MISFA: variants seen among roughly 807,000 people sequenced by gnomAD.
MISFA encodes the protein mitochondrial sheath formation-associated protein.
chr11:18,600,737 G>A, the MISFA span, among the ~76,000 whole-genome samples: 5,163 of 149,560 alleles, frequency 0.035, 184 homozygotes, highest in African/African-American at 0.085. Flanking sequence ...AGCCAGGATG[G>A]TCTAGATCTC....
At chr11:18,600,558 T>TCGCCCAGG in the MISFA span, among the ~76,000 whole-genome samples, 1 of 135,266 alleles carries the variant, frequency 7.4e-6, no homozygotes, top group Non-Finnish European at 1.5e-5. Flanking sequence ...TCTTGCTCTG[T>TCGCCCAGG]CGCCCAGGCT....
chr11:18,603,768 A>C, the MISFA span: 49 of 398,918 alleles, frequency 1.2e-4, no homozygotes, highest in South Asian at 1.3e-3. Flanking sequence ...TTTTTCCCCC[A>C]CAGACTCCAG....
the MISFA span, among the ~76,000 whole-genome samples, chr11:18,606,218 G>A: frequency 6.6e-6 from 1 of 152,324 alleles, no homozygotes; most frequent in South Asian, 2.1e-4. Context: ...GGGGAGAGAA[G>A]CTCTATCATG....
At chr11:18,602,317 G>C in the MISFA span, 1 of 152,480 alleles carries the variant, frequency 6.6e-6, no homozygotes, top group Non-Finnish European at 1.5e-5. Flanking sequence ...AGCTACTCCA[G>C]AAGTTAGGGG....
the MISFA span, chr11:18,600,140 G>C: frequency 5.0e-6 from 2 of 397,164 alleles, no homozygotes; most frequent in African/African-American, 2.1e-5. Context: ...AACAAAGTTA[G>C]TGTCCCAGGC....
chr11:18,605,577 G>GT, the MISFA span, among the ~76,000 whole-genome samples: 2 of 152,026 alleles, frequency 1.3e-5, no homozygotes, highest in East Asian at 1.9e-4. Flanking sequence ...CAAAACTTTA[G>GT]TAATTTCTGA....
At chr11:18,601,156 G>A in the MISFA span, 11 of 398,650 alleles carry the variant, frequency 2.8e-5, no homozygotes, top group East Asian at 1.4e-4. Context: ...CTGAGGAGGC[G>A]GGCTTTAGGT....
the MISFA span, chr11:18,602,880 C>T: frequency 3.6e-5 from 13 of 361,946 alleles, no homozygotes; most frequent in Non-Finnish European, 6.4e-5. Context: ...CATAGGTGCT[C>T]ATGCTGACTG....
the MISFA span, among the ~76,000 whole-genome samples, chr11:18,604,847 G>A: frequency 6.6e-6 from 1 of 152,152 alleles, no homozygotes; most frequent in East Asian, 1.9e-4. Context: ...TTAAGATCCA[G>A]GCCTTCTCCC....
the MISFA span, chr11:18,609,338 G>C: frequency 6.5e-6 from 1 of 153,482 alleles, no homozygotes; most frequent in African/African-American, 2.4e-5. Context: ...CCATATGATA[G>C]TTATAAATTC....
At chr11:18,609,841 C>A in the MISFA span, 1 of 1,612,576 alleles carries the variant, frequency 6.2e-7, no homozygotes, top group East Asian at 2.2e-5. Context: ...TCTAGAATTT[C>A]ACAAAAATAA....
chr11:18,607,982 A>C, the MISFA span: 1 of 152,374 alleles, frequency 6.6e-6, no homozygotes, highest in African/African-American at 2.4e-5. Flanking sequence ...TCAGAGTCTG[A>C]ATACTGAAAA....
At chr11:18,603,849 CTGT>C in the MISFA span, 5 of 389,188 alleles carry the variant, frequency 1.3e-5, no homozygotes, top group South Asian at 1.3e-4. Flanking sequence ...TGTACAGTTC[CTGT>C]TGTTGGTTTC....
At chr11:18,600,822 G>A in the MISFA span, among the ~76,000 whole-genome samples, 1 of 152,052 alleles carries the variant, frequency 6.6e-6, no homozygotes, top group South Asian at 2.1e-4. Flanking sequence ...GCCCGGCCAG[G>A]ACATCCTTTT....
the MISFA span, among the ~76,000 whole-genome samples, chr11:18,604,647 AC>A: frequency 6.6e-6 from 1 of 151,824 alleles, no homozygotes; most frequent in Non-Finnish European, 1.5e-5. Flanking sequence ...AAAAAAAAGA[AC>A]CCTAAGCTTA....
the MISFA span, among the ~76,000 whole-genome samples, chr11:18,600,394 G>T: frequency 9.3e-5 from 14 of 151,144 alleles, no homozygotes; most frequent in African/African-American, 3.4e-4. Flanking sequence ...GTAGAAACAG[G>T]GTTTCTCCAT....
chr11:18,602,483 T>G, the MISFA span: 1 of 152,658 alleles, frequency 6.6e-6, no homozygotes, highest in African/African-American at 2.4e-5. Context: ...TGTGCCTCAC[T>G]TTCTCCAGCT....
the MISFA span, chr11:18,603,737 C>A: frequency 2.5e-6 from 1 of 398,888 alleles, no homozygotes; most frequent in Non-Finnish European, 4.4e-6. Context: ...AACCACTAGG[C>A]CTGCATGACA....
the MISFA span, among the ~76,000 whole-genome samples, chr11:18,605,104 G>A: frequency 9.2e-5 from 14 of 152,088 alleles, no homozygotes; most frequent in Non-Finnish European, 2.1e-4. Flanking sequence ...TTAGCCAGGT[G>A]TGGTGGTGGG....
Sources: gnomAD v4.1 joint callset for allele counts (sites outside exome capture counted in the v4.1 genomes callset) on GRCh38, gnomAD v4.1.1 for gene constraint, MANE v1.5 for transcripts, NCBI Gene and HGNC (gene_info 2026-07-23, HGNC 2026-07-21) for gene names.